GLIS3: variants seen among roughly 807,000 people sequenced by gnomAD.
GLIS3 encodes the protein zinc finger protein GLIS3.
GLIS3 carries 53 observed loss-of-function variants against 78.6 expected under a neutral mutation model. That is an observed-to-expected ratio of 0.67 (90% confidence interval 0.54 to 0.85). The LOEUF (loss-of-function observed/expected upper bound fraction) is 0.85, where lower values mean the gene tolerates loss of function less well. GLIS3 is among the 40% of genes least tolerant of loss of function. The pLI is 0.00. For missense variants in GLIS3, 1,703 were observed against 1,231.1 expected (o/e 1.38, Z -5.74); for synonymous variants, 684 against 509.9 (o/e 1.34, Z -4.60).
At chr9:4,213,342 C>G (rs1321947161) in intron 2 of GLIS3, among the ~76,000 whole-genome samples, 2 of 152,174 alleles carry the variant, frequency 1.3e-5, no homozygotes, top group Non-Finnish European at 2.9e-5. Flanking sequence ...TAGATGCTCC[C>G]TTTAAAACCT....
intron 2 of GLIS3, among the ~76,000 whole-genome samples, chr9:4,272,910 G>C (rs1014983736): frequency 6.6e-6 from 1 of 152,158 alleles, no homozygotes; most frequent in African/African-American, 2.4e-5. Flanking sequence ...CAGTGTCCTA[G>C]TTTGTACAAC....
At chr9:4,258,446 C>G (rs775745919) in intron 2 of GLIS3, among the ~76,000 whole-genome samples, 3 of 152,192 alleles carry the variant, frequency 2.0e-5, no homozygotes, top group African/African-American at 7.2e-5. Flanking sequence ...AGTCAGAGAA[C>G]TGGCCTGCTA....
chr9:4,070,097 T>A (rs1420408647), intron 4 of GLIS3, among the ~76,000 whole-genome samples: 1 of 152,122 alleles, frequency 6.6e-6, no homozygotes, highest in Non-Finnish European at 1.5e-5. Context: ...TGACTATAAA[T>A]ATATATAATA....
In GLIS3 at chr9:4,040,286, T is replaced by TA. The variant is rs979901550; in HGVS notation, c.1710+77481dup. On this transcript the variant is annotated intron_variant, in intron 4 of 10. Coordinates refer to ENST00000381971, the MANE Select transcript of GLIS3 (RefSeq NM_001042413.2). Reference sequence around the variant, plus strand: ...TTACAAAACATTTTACTTCACAAGGTAAAAAAAACAAAAAACAAAAAACCT... The same window carrying TA: ...TTACAAAACATTTTACTTCACAAGGTAAAAAAAAACAAAAAACAAAAAACCT... Among the ~76,000 whole-genome samples, 1,182 of 128,404 alleles carry TA rather than the reference T, an allele frequency of 9.2e-3. 13 individuals carry two copies. The highest frequency in any genetic ancestry group is 0.028 in the African/African-American group (908 of 33,018). The allele number at this position is 128,404 out of a possible 152,430, so 84.2% of individuals were successfully genotyped here.
chr9:4,162,684 A>G lies in GLIS3; in HGVS notation c.389-36743T>C, dbSNP rs186299836. 1.5e-3 allele frequency among the ~76,000 whole-genome samples: 225 copies of G among 151,860 alleles called. 2 individuals are homozygous for G. Among genetic ancestry groups the G allele is most frequent in the Admixed American group, 2.6e-3 (40 of 15,270 alleles). ...ATCCTGGCTAACACGGTGAAATCCC[A>G]TCTCTATTAAAAAATACAAAAAATA... On this transcript the variant is annotated intron_variant, in intron 2 of 10. Coordinates refer to ENST00000381971, the MANE Select transcript of GLIS3 (RefSeq NM_001042413.2).
At chr9:3,980,993 T>G (rs1819230204) in intron 4 of GLIS3, among the ~76,000 whole-genome samples, 1 of 152,218 alleles carries the variant, frequency 6.6e-6, no homozygotes, top group South Asian at 2.1e-4. Flanking sequence ...GCTGCTCTGC[T>G]GAACTGAAGC....
chr9:4,351,544 A>T (rs1455852990), upstream of GLIS3, among the ~76,000 whole-genome samples: 3 of 152,238 alleles, frequency 2.0e-5, no homozygotes, highest in African/African-American at 4.8e-5. Context: ...TACTCAATTT[A>T]TCACAGTAGT....
intron 7 of GLIS3, 79 bp downstream of exon 7, chr9:3,898,612 C>T (rs1356393045): frequency 1.9e-6 from 3 of 1,580,416 alleles, no homozygotes; most frequent in Non-Finnish European, 2.6e-6. Context: ...AAATTTTTCT[C>T]ACGTGAGCAT....
chr9:4,083,683 G>A (rs1828746835), intron 4 of GLIS3, among the ~76,000 whole-genome samples: 1 of 152,172 alleles, frequency 6.6e-6, no homozygotes, highest in South Asian at 2.1e-4. Context: ...AGTAAGTAAT[G>A]AGGTCAAGAA....
intron 4 of GLIS3, among the ~76,000 whole-genome samples, chr9:3,942,112 C>T (rs898715238): frequency 7.2e-5 from 11 of 152,152 alleles, no homozygotes; most frequent in Non-Finnish European, 1.2e-4. Context: ...TGCTGAGAAG[C>T]ATAAGTTCAT....
intron 9 of GLIS3, 24 bp downstream of exon 9, chr9:3,855,985 A>C (rs769008145): frequency 1.6e-5 from 26 of 1,613,556 alleles, no homozygotes; most frequent in Non-Finnish European, 2.2e-5. Flanking sequence ...TCAAAACTCA[A>C]GGGACTGCCA....
At chr9:3,848,438 G>C (rs1165594463) in intron 9 of GLIS3, among the ~76,000 whole-genome samples, 2 of 152,190 alleles carry the variant, frequency 1.3e-5, no homozygotes, top group Non-Finnish European at 2.9e-5. Flanking sequence ...GGAGGCGGAG[G>C]TTGCCGTGAG....
intron 4 of GLIS3, among the ~76,000 whole-genome samples, chr9:3,981,642 T>A (rs546131149): frequency 2.0e-5 from 3 of 152,168 alleles, no homozygotes; most frequent in Non-Finnish European, 4.4e-5. Context: ...AGGGGTATGA[T>A]ACATAGTTCC....
At chr9:4,237,834 C>G (rs1411814958) in intron 2 of GLIS3, among the ~76,000 whole-genome samples, 1 of 152,178 alleles carries the variant, frequency 6.6e-6, no homozygotes, top group Non-Finnish European at 1.5e-5. Context: ...CACATTTTGT[C>G]TTTCCCAGTT....
At chr9:4,134,114 C>T (rs1355879167) in intron 2 of GLIS3, among the ~76,000 whole-genome samples, 2 of 152,130 alleles carry the variant, frequency 1.3e-5, no homozygotes, top group Non-Finnish European at 2.9e-5. Flanking sequence ...TAAAACCTCT[C>T]AACCATACCC....
intron 4 of GLIS3, among the ~76,000 whole-genome samples, chr9:4,059,563 T>C (rs759340272): frequency 6.6e-6 from 1 of 152,176 alleles, no homozygotes; most frequent in Non-Finnish European, 1.5e-5. Flanking sequence ...CTGCCTACCA[T>C]CCTTCTGCAC....
chr9:4,146,743 A>G (rs1834253688), intron 2 of GLIS3, among the ~76,000 whole-genome samples: 1 of 152,206 alleles, frequency 6.6e-6, no homozygotes, highest in Admixed American at 6.5e-5. Context: ...CATCCTAAAT[A>G]TGCAATTTAT....
intron 4 of GLIS3, chr9:4,071,200 A>G (rs1295530840): frequency 6.6e-6 from 1 of 152,198 alleles, no homozygotes; most frequent in Non-Finnish European, 1.5e-5. Context: ...CTATAGACAC[A>G]TTTCAGAGGT....
At chr9:3,970,074 T>C (rs1265434691) in intron 4 of GLIS3, among the ~76,000 whole-genome samples, 1 of 152,228 alleles carries the variant, frequency 6.6e-6, no homozygotes, top group African/African-American at 2.4e-5. Context: ...TAGTGTTAGC[T>C]TTCGTCTCTG....
Sources: gnomAD v4.1 joint callset for allele counts (sites outside exome capture counted in the v4.1 genomes callset) on GRCh38, gnomAD v4.1.1 for gene constraint, MANE v1.5 for transcripts, NCBI Gene and HGNC (gene_info 2026-07-23, HGNC 2026-07-21) for gene names.